The following NYAP2 variants were observed in gnomAD, a reference collection of about 807,000 sequenced individuals.
The protein encoded by NYAP2 is neuronal tyrosine-phosphorylated phosphoinositide-3-kinase adaptor 2, also known as neuronal tyrosine-phosphorylated phosphoinositide-3-kinase adapter 2.
A neutral mutation model predicts 50.4 loss-of-function variants in NYAP2; 23 were observed. The ratio of observed to expected loss-of-function variants is 0.46; its 90% CI spans 0.33 to 0.65. The LOEUF is 0.65. Among genes scored for constraint, NYAP2 ranks in the 30% least tolerant of loss-of-function variants. The probability of loss-of-function intolerance (pLI) is 0.02; values close to 1 mark genes in which losing one functional copy is unlikely to be tolerated. For synonymous variants in NYAP2, 394 were observed against 365.2 expected, an observed-to-expected ratio of 1.08 and a Z score of -0.90; for missense variants, 885 against 861.0, an observed-to-expected ratio of 1.03 and a Z score of -0.35.
chr2:225,630,610 A>C (rs1693289880), intron 6 of NYAP2, among the ~76,000 whole-genome samples: 1 of 152,260 alleles, frequency 6.6e-6, no homozygotes, highest in African/African-American at 2.4e-5. Context: ...AAATGAAATC[A>C]AAAGCCTATT....
At chr2:225,560,919 G>A (rs980017204) in intron 4 of NYAP2, among the ~76,000 whole-genome samples, 2 of 143,180 alleles carry the variant, frequency 1.4e-5, no homozygotes, top group Non-Finnish European at 3.0e-5. Flanking sequence ...GGCAACAAAG[G>A]ACCTTTCCAA....
chr2:225,506,984 A>G (rs921852246), intron 3 of NYAP2, among the ~76,000 whole-genome samples: 1 of 152,202 alleles, frequency 6.6e-6, no homozygotes, highest in African/African-American at 2.4e-5. Context: ...CTGGAGTATG[A>G]ATCAGTTTCA....
intron 3 of NYAP2, among the ~76,000 whole-genome samples, chr2:225,512,822 TC>T (rs1690847958): frequency 1.1e-4 from 4 of 37,736 alleles, no homozygotes; most frequent in African/African-American, 4.4e-4. Context: ...TCTTTCTTTC[TC>T]TCTCTCTCTC....
At chr2:225,438,495 T>A (rs527816269) in intron 3 of NYAP2, among the ~76,000 whole-genome samples, 43 of 152,372 alleles carry the variant, frequency 2.8e-4, no homozygotes, top group Middle Eastern at 3.4e-3. Context: ...CCTGCTGCTG[T>A]TCAATAGCAC....
chr2:225,554,677 G>A (rs1691745193), intron 4 of NYAP2, among the ~76,000 whole-genome samples: 1 of 152,044 alleles, frequency 6.6e-6, no homozygotes, highest in African/African-American at 2.4e-5. Flanking sequence ...GGATTGTAGG[G>A]ATTGGGGGAG....
At chr2:225,523,874 A>C (rs1691108772) in intron 4 of NYAP2, among the ~76,000 whole-genome samples, 1 of 152,190 alleles carries the variant, frequency 6.6e-6, no homozygotes, top group African/African-American at 2.4e-5. Flanking sequence ...GGTCAATGGA[A>C]GGGAATAGAG....
intron 6 of NYAP2, among the ~76,000 whole-genome samples, chr2:225,645,155 T>A (rs529026582): frequency 5.3e-5 from 8 of 150,578 alleles, no homozygotes; most frequent in African/African-American, 9.8e-5. Flanking sequence ...CTACTCTGAA[T>A]GCTGAGGCAA....
intron 6 of NYAP2, among the ~76,000 whole-genome samples, chr2:225,635,714 T>C (rs1274363508): frequency 6.6e-6 from 1 of 152,212 alleles, no homozygotes; most frequent in African/African-American, 2.4e-5. Context: ...ATGACCCTTT[T>C]TGGGTTGCCT....
intron 3 of NYAP2, among the ~76,000 whole-genome samples, chr2:225,500,197 A>G (rs1690580876): frequency 6.6e-6 from 1 of 152,190 alleles, no homozygotes. Context: ...ATTCTGAGGG[A>G]CTGGGTTCAG....
rs540489432 is a variant in NYAP2, at chr2:225,634,893, A to G, written c.1828+7767A>G. On this transcript the variant is annotated intron_variant, in intron 6 of 6. Transcript: ENST00000636099. ...AGATGTGGCAAAATGGGGGCCATTTACAATAAGCAACAGAGCTGGGATTCA... is the reference window on the plus strand; with the variant it reads ...AGATGTGGCAAAATGGGGGCCATTTGCAATAAGCAACAGAGCTGGGATTCA... Among the ~76,000 whole-genome samples, 72 of 152,340 alleles carry G rather than the reference A, an allele frequency of 4.7e-4. No individual in the cohort carries two copies. In the South Asian group the frequency reaches 0.014, roughly 31 times the overall value.
At chr2:225,483,263 G>A (rs926824125) in intron 3 of NYAP2, among the ~76,000 whole-genome samples, 5 of 151,980 alleles carry the variant, frequency 3.3e-5, no homozygotes, top group Admixed American at 6.6e-5. Context: ...TAATAGGCAG[G>A]TTCATGATAT....
intron 4 of NYAP2, among the ~76,000 whole-genome samples, chr2:225,518,065 C>A (rs1211125954): frequency 6.6e-6 from 1 of 151,976 alleles, no homozygotes; most frequent in African/African-American, 2.4e-5. Context: ...ATGGAATCAA[C>A]CTCAGTGCCC....
At chr2:225,558,499 C>T (rs1467971036) in intron 4 of NYAP2, among the ~76,000 whole-genome samples, 2 of 152,166 alleles carry the variant, frequency 1.3e-5, no homozygotes, top group African/African-American at 2.4e-5. Context: ...GTCACATTCT[C>T]ATGTCGCATC....
intron 3 of NYAP2, among the ~76,000 whole-genome samples, chr2:225,457,923 CA>C (rs1689765540): frequency 6.6e-6 from 1 of 152,022 alleles, no homozygotes; most frequent in African/African-American, 2.4e-5. Flanking sequence ...AGAACAAAAG[CA>C]TTTGGTCATG....
chr2:225,607,148 C>T (rs6740674), intron 5 of NYAP2, among the ~76,000 whole-genome samples: 94,437 of 151,848 alleles, frequency 0.62, 30,055 homozygotes, highest in South Asian at 0.8. Flanking sequence ...TTTTACATCT[C>T]GGCCCTTTCA....
chr2:225,516,538 C>CT (rs371676415), intron 4 of NYAP2, among the ~76,000 whole-genome samples: 302 of 148,942 alleles, frequency 2.0e-3, no homozygotes, highest in African/African-American at 6.4e-3. Flanking sequence ...TTTACTTTCC[C>CT]TTTTTTTTTT....
chr2:225,618,146 A>G (rs540495762), intron 5 of NYAP2, among the ~76,000 whole-genome samples: 5 of 152,298 alleles, frequency 3.3e-5, no homozygotes, highest in South Asian at 2.1e-4. Flanking sequence ...GTTTGGCTCT[A>G]TATCTCATAG....
At chr2:225,692,582 T>TTA in the NYAP2 span, among the ~76,000 whole-genome samples, 31 of 151,970 alleles carry the variant, frequency 2.0e-4, 1 homozygote, top group Admixed American at 9.2e-4. Flanking sequence ...CATGTATTTT[T>TTA]TATATATATA....
At chr2:225,697,998 C>A in the NYAP2 span, among the ~76,000 whole-genome samples, 2 of 151,802 alleles carry the variant, frequency 1.3e-5, no homozygotes, top group South Asian at 4.2e-4. Flanking sequence ...TATAGAGAGA[C>A]CTCATCTCTA....
Sources: gnomAD v4.1 joint callset for allele counts (sites outside exome capture counted in the v4.1 genomes callset) on GRCh38, gnomAD v4.1.1 for gene constraint, MANE v1.5 for transcripts, NCBI Gene and HGNC (gene_info 2026-07-23, HGNC 2026-07-21) for gene names.